The following NRG3 variants were observed in gnomAD, a reference collection of about 807,000 sequenced individuals.
NRG3 encodes neuregulin 3, also known as pro-neuregulin-3, membrane-bound isoform.
In NRG3, 31 loss-of-function variants were observed where a neutral mutation model predicts 66.9. That is an observed-to-expected ratio of 0.46 (90% CI 0.35 to 0.63). The LOEUF is 0.63. NRG3 is among the 20% of genes least tolerant of loss of function. The probability of loss-of-function intolerance (pLI) is 0.00; values close to 1 mark genes in which losing one functional copy is unlikely to be tolerated. For synonymous variants in NRG3, 393 were observed against 359.4 expected, an observed-to-expected ratio of 1.09 and a Z score of -1.06; for missense variants, 910 against 878.9, an observed-to-expected ratio of 1.04 and a Z score of -0.45.
At chr10:81,991,080 C>T (rs1470593351) in intron 1 of NRG3, among the ~76,000 whole-genome samples, 2 of 152,000 alleles carry the variant, frequency 1.3e-5, no homozygotes, top group East Asian at 1.9e-4. Context: ...TCAGGTATGT[C>T]GTGACATGGG....
At chr10:82,229,714 C>G (rs966019848) in intron 1 of NRG3, among the ~76,000 whole-genome samples, 5 of 152,150 alleles carry the variant, frequency 3.3e-5, no homozygotes, top group Non-Finnish European at 7.4e-5. Context: ...CTCAGTAGCA[C>G]AAGCACAACA....
chr10:82,132,654 G>A (rs1183874894), intron 1 of NRG3, among the ~76,000 whole-genome samples: 3 of 149,926 alleles, frequency 2.0e-5, no homozygotes, highest in East Asian at 2.0e-4. Flanking sequence ...ATTGGTATTA[G>A]TTCTTCATTA....
chr10:82,843,590 T>G (rs1268635437), intron 3 of NRG3, among the ~76,000 whole-genome samples: 1 of 152,182 alleles, frequency 6.6e-6, no homozygotes, highest in East Asian at 1.9e-4. Context: ...TTAAGCATAT[T>G]AGTTATTAAA....
intron 1 of NRG3, among the ~76,000 whole-genome samples, chr10:82,150,040 G>A (rs2070587547): frequency 6.6e-6 from 1 of 152,104 alleles, no homozygotes; most frequent in Non-Finnish European, 1.5e-5. Context: ...AGGGGGGAGT[G>A]CACCCATCTG....
At chr10:82,207,700 A>G (rs936920974) in intron 1 of NRG3, among the ~76,000 whole-genome samples, 1 of 152,184 alleles carries the variant, frequency 6.6e-6, no homozygotes, top group African/African-American at 2.4e-5. Flanking sequence ...ATCATGGCGA[A>G]AGGGGAAGCG....
intron 2 of NRG3, among the ~76,000 whole-genome samples, chr10:82,424,279 G>A (rs1302609205): frequency 2.0e-5 from 3 of 151,876 alleles, no homozygotes; most frequent in Non-Finnish European, 4.4e-5. Flanking sequence ...AAATGTGAGG[G>A]GACCAATTTC....
intron 2 of NRG3, among the ~76,000 whole-genome samples, chr10:82,720,830 T>TAC (rs1565238356): frequency 7.6e-6 from 1 of 131,718 alleles, no homozygotes; most frequent in African/African-American, 3.4e-5. Context: ...TATATATATA[T>TAC]ATATATATAT....
At chr10:82,198,433 T>C (rs1299568492) in intron 1 of NRG3, among the ~76,000 whole-genome samples, 1 of 152,168 alleles carries the variant, frequency 6.6e-6, no homozygotes, top group African/African-American at 2.4e-5. Flanking sequence ...ATAAATTCTT[T>C]ACAGATAGGT....
intron 1 of NRG3, among the ~76,000 whole-genome samples, chr10:82,287,401 C>A (rs1158426847): frequency 2.0e-5 from 3 of 152,106 alleles, no homozygotes; most frequent in Admixed American, 6.5e-5. Context: ...TCCTATACAG[C>A]CTGCAGAACT....
intron 1 of NRG3, among the ~76,000 whole-genome samples, chr10:82,265,445 T>G (rs1397672227): frequency 1.3e-5 from 2 of 152,158 alleles, no homozygotes; most frequent in African/African-American, 4.8e-5. Flanking sequence ...GTCAATGGAT[T>G]GGAGATCCCA....
At chr10:81,978,251 G>A (rs1389321180) in intron 1 of NRG3, among the ~76,000 whole-genome samples, 1 of 152,118 alleles carries the variant, frequency 6.6e-6, no homozygotes, top group African/African-American at 2.4e-5. Flanking sequence ...GAGGACAACA[G>A]GTTATAGATT....
At chr10:82,377,652 G>A (rs935795391) in intron 2 of NRG3, among the ~76,000 whole-genome samples, 46 of 152,242 alleles carry the variant, frequency 3.0e-4, no homozygotes, top group African/African-American at 1.0e-3. Context: ...GCACAAAGGG[G>A]AAATGACTAG....
intron 1 of NRG3, among the ~76,000 whole-genome samples, chr10:82,182,103 T>G (rs796927059): frequency 1.2e-4 from 16 of 135,926 alleles, no homozygotes; most frequent in African/African-American, 5.0e-4. Flanking sequence ...ATGGAACATG[T>G]TTTTTTTTCC....
chr10:82,646,364 A>G (rs2050930825), intron 2 of NRG3, among the ~76,000 whole-genome samples: 2 of 152,108 alleles, frequency 1.3e-5, no homozygotes, highest in South Asian at 4.1e-4. Context: ...TAGAACGCAA[A>G]AGGATGGGGA....
chr10:82,186,843 C>T (rs1478410701), intron 1 of NRG3, among the ~76,000 whole-genome samples: 3 of 152,168 alleles, frequency 2.0e-5, no homozygotes, highest in Admixed American at 6.5e-5. Context: ...ATACTGGACT[C>T]TGGTCTGGTA....
intron 1 of NRG3, among the ~76,000 whole-genome samples, chr10:82,006,327 T>C (rs907475781): frequency 1.3e-5 from 2 of 152,132 alleles, no homozygotes; most frequent in Non-Finnish European, 2.9e-5. Flanking sequence ...CAATTGAATT[T>C]ATCCGTTCCT....
At chr10:82,108,940 CTT>C (rs2067220231) in intron 1 of NRG3, among the ~76,000 whole-genome samples, 1 of 152,110 alleles carries the variant, frequency 6.6e-6, no homozygotes, top group Admixed American at 6.6e-5. Context: ...TAAATTCACT[CTT>C]TTAATAACAA....
intron 3 of NRG3, among the ~76,000 whole-genome samples, chr10:82,797,776 A>G (rs539252197): frequency 1.3e-5 from 2 of 152,092 alleles, no homozygotes; most frequent in Non-Finnish European, 1.5e-5. Flanking sequence ...GGTAGATCGG[A>G]GTTGTCTTCT....
chr10:82,861,686 A>G (rs2064136949), intron 3 of NRG3, among the ~76,000 whole-genome samples: 1 of 152,182 alleles, frequency 6.6e-6, no homozygotes, highest in African/African-American at 2.4e-5. Context: ...AAAACAGATG[A>G]CAGGCAGCCA....
Sources: gnomAD v4.1 joint callset for allele counts (sites outside exome capture counted in the v4.1 genomes callset) on GRCh38, gnomAD v4.1.1 for gene constraint, MANE v1.5 for transcripts, NCBI Gene and HGNC (gene_info 2026-07-23, HGNC 2026-07-21) for gene names.